ZDHHC2: variants seen among roughly 807,000 people sequenced by gnomAD.
ZDHHC2 encodes the protein zDHHC palmitoyltransferase 2.
ZDHHC2 carries 51 observed loss-of-function variants against 55.6 expected under a neutral mutation model. That is an observed-to-expected ratio of 0.92 (90% CI 0.73 to 1.16). The LOEUF is 1.16. ZDHHC2 is among the 50% of genes most tolerant of loss of function. The probability of loss-of-function intolerance (pLI) is 0.00; values close to 1 mark genes in which losing one functional copy is unlikely to be tolerated. For missense variants in ZDHHC2, 491 were observed against 442.4 expected (o/e 1.11, Z -0.99); for synonymous variants, 199 against 152.9 (o/e 1.30, Z -2.22).
chr8:17,211,244 C>CT (rs1242614661), intron 10 of ZDHHC2, among the ~76,000 whole-genome samples: 1 of 152,160 alleles, frequency 6.6e-6, no homozygotes, highest in South Asian at 2.1e-4. Flanking sequence ...AACCATTCCT[C>CT]TGATTTTTCA....
chr8:17,191,127 A>C (rs1435448248), intron 3 of ZDHHC2, among the ~76,000 whole-genome samples: 1 of 151,446 alleles, frequency 6.6e-6, no homozygotes, highest in Non-Finnish European at 1.5e-5. Context: ...ACGCCCGGCT[A>C]TTTTTTGTGG....
intron 5 of ZDHHC2, 146 bp downstream of exon 5, chr8:17,197,797 C>T (rs1454719667): frequency 3.4e-5 from 29 of 856,364 alleles, no homozygotes; most frequent in Non-Finnish European, 3.6e-5. Context: ...GTATAACCCG[C>T]TGGCATTCAT....
chr8:17,224,572 A>T lies in ZDHHC2; in HGVS notation c.*4351A>T, dbSNP rs1808047409. On this transcript the variant is annotated 3_prime_UTR_variant, in exon 13 of 13. Transcript: ENST00000262096. ...ATGCTTAATATATTGCTTCTGTTTG[A>T]TTGATAAAGGTGCTTAATCAATTGA... 6.6e-6 allele frequency: 1 copy of T among 151,566 alleles called. No individual in the cohort carries two copies. The highest frequency in any genetic ancestry group is 1.5e-5 in the Non-Finnish European group (1 of 67,644). The allele number at this position is 151,566 out of a possible 1,614,324, so 9.4% of individuals were successfully genotyped here.
At chr8:17,156,978 T>C in intron 1 of ZDHHC2, 125 bp downstream of exon 1, 1 of 878,838 alleles carries the variant, frequency 1.1e-6, no homozygotes, top group Non-Finnish European at 1.6e-6. Flanking sequence ...ACCTGCCGCG[T>C]CCCGCCGGCT....
intron 3 of ZDHHC2, among the ~76,000 whole-genome samples, chr8:17,194,987 A>G (rs1806232557): frequency 6.6e-6 from 1 of 152,200 alleles, no homozygotes; most frequent in Non-Finnish European, 1.5e-5. Flanking sequence ...TAGCTGGGCA[A>G]AATTGTCAGT....
chr8:17,206,916 A>G (rs1326448568), intron 7 of ZDHHC2, among the ~76,000 whole-genome samples: 4 of 152,198 alleles, frequency 2.6e-5, no homozygotes, highest in African/African-American at 7.2e-5. Flanking sequence ...TGCCAATTCT[A>G]TTGCTAAGCA....
Position 17,215,218 on chromosome 8 carries a change from T to G in ZDHHC2, c.951-19T>G, listed in dbSNP as rs767135925. On this transcript the variant is annotated intron_variant, in intron 10 of 12. Transcript: ENST00000262096. ...AATTAGCTTATGATGATTTTGATGA[T>G]TATTCAATTATTATTCAGTCTCGAA... 1 of 1,542,520 alleles carries G rather than the reference T, an allele frequency of 6.5e-7. No homozygotes were observed. Among genetic ancestry groups the G allele is most frequent in the Non-Finnish European group, 8.8e-7 (1 of 1,140,210 alleles).
intron 6 of ZDHHC2, among the ~76,000 whole-genome samples, chr8:17,203,988 A>G (rs1379502503): frequency 6.6e-6 from 1 of 151,554 alleles, no homozygotes; most frequent in African/African-American, 2.4e-5. Flanking sequence ...TTGTATTTTT[A>G]GTAGAGACAG....
intron 12 of ZDHHC2, 48 bp downstream of exon 12, chr8:17,217,294 A>G: frequency 1.5e-6 from 2 of 1,334,978 alleles, no homozygotes; most frequent in South Asian, 1.3e-5. Context: ...CAGTCTTCTA[A>G]TTTTATTAGG....
At chr8:17,178,679 A>C (rs997949010) in intron 1 of ZDHHC2, among the ~76,000 whole-genome samples, 2 of 152,208 alleles carry the variant, frequency 1.3e-5, no homozygotes, top group African/African-American at 4.8e-5. Context: ...TTGGTAGTTC[A>C]GTCAAAAGAG....
chr8:17,173,994 A>T (rs1465069490), intron 1 of ZDHHC2, among the ~76,000 whole-genome samples: 1 of 152,160 alleles, frequency 6.6e-6, no homozygotes, highest in Non-Finnish European at 1.5e-5. Context: ...ATGTGAACGT[A>T]CAGAGAGTAG....
chr8:17,218,517 C>T (rs1807753856), intron 12 of ZDHHC2, among the ~76,000 whole-genome samples: 2 of 151,956 alleles, frequency 1.3e-5, no homozygotes, highest in Admixed American at 1.3e-4. Flanking sequence ...ATATAAAAGC[C>T]ATCGAGACTT....
In ZDHHC2 at chr8:17,200,149, T is replaced by A. The variant is rs1416898531; in HGVS notation, c.476+1736T>A. On this transcript the variant is annotated intron_variant, in intron 6 of 12. Transcript: ENST00000262096. ...TATCCCCATGACCCACCTGCTGAAT[T>A]CATGGCATCTGGTGAACATCTCCCG... is the stretch of plus-strand genomic sequence containing the variant. Among the ~76,000 whole-genome samples the A allele has an allele frequency of 2.0e-5, 3 of 152,276 alleles. No homozygotes were observed. The East Asian group carries it at 5.8e-4, about 29-fold the overall frequency.
intron 1 of ZDHHC2, among the ~76,000 whole-genome samples, chr8:17,164,558 G>A (rs1486168254): frequency 6.6e-6 from 1 of 151,826 alleles, no homozygotes; most frequent in Non-Finnish European, 1.5e-5. Context: ...GAACAGAGTG[G>A]TGCAGAGGAG....
chr8:17,205,202 A>T (rs779552968), intron 6 of ZDHHC2, among the ~76,000 whole-genome samples: 2 of 152,214 alleles, frequency 1.3e-5, no homozygotes, highest in African/African-American at 4.8e-5. Flanking sequence ...GCTTGCTTCA[A>T]TGAAGGCATG....
At chr8:17,200,033 G>A (rs1270514890) in intron 6 of ZDHHC2, among the ~76,000 whole-genome samples, 1 of 152,124 alleles carries the variant, frequency 6.6e-6, no homozygotes, top group African/African-American at 2.4e-5. Flanking sequence ...GGGATTACAG[G>A]CGCGAGCCAC....
chr8:17,211,374 T>A (rs1230710251), intron 10 of ZDHHC2, among the ~76,000 whole-genome samples: 1 of 152,190 alleles, frequency 6.6e-6, no homozygotes, highest in African/African-American at 2.4e-5. Flanking sequence ...ATTGAACATT[T>A]CTTACTGATC....
At chr8:17,184,859 G>A in intron 2 of ZDHHC2, 44 bp downstream of exon 2, 4 of 1,470,604 alleles carry the variant, frequency 2.7e-6, no homozygotes, top group Admixed American at 2.5e-5. Flanking sequence ...TAAATAGTTT[G>A]AAAAAAAATT....
chr8:17,168,214 T>A (rs1804696829), intron 1 of ZDHHC2, among the ~76,000 whole-genome samples: 1 of 152,210 alleles, frequency 6.6e-6, no homozygotes, highest in Non-Finnish European at 1.5e-5. Flanking sequence ...CGGCATTCTT[T>A]TGAATCTCAA....
Sources: gnomAD v4.1 joint callset for allele counts (sites outside exome capture counted in the v4.1 genomes callset) on GRCh38, gnomAD v4.1.1 for gene constraint, MANE v1.5 for transcripts, NCBI Gene and HGNC (gene_info 2026-07-23, HGNC 2026-07-21) for gene names.